The following SHC4 variants were observed in gnomAD, a reference collection of about 807,000 sequenced individuals.
SHC4 encodes SHC adaptor protein 4, also known as SHC-transforming protein 4.
A neutral mutation model predicts 69.4 loss-of-function variants in SHC4; 41 were observed. The observed-to-expected ratio is 0.59, with a 90% CI of 0.46 to 0.77. SHC4 has a LOEUF of 0.77. SHC4 is among the 30% of genes least tolerant of loss of function. SHC4 has a pLI of 0.00. For synonymous variants in SHC4, 318 were observed against 299.3 expected, an observed-to-expected ratio of 1.06 and a Z score of -0.64; for missense variants, 777 against 783.8, an observed-to-expected ratio of 0.99 and a Z score of 0.10.
intron 2 of SHC4, among the ~76,000 whole-genome samples, chr15:48,902,093 T>A (rs1462013797): frequency 6.6e-6 from 1 of 151,868 alleles, no homozygotes; most frequent in South Asian, 2.1e-4. Flanking sequence ...TCCCAGCTAC[T>A]TGGGGAGGCT....
intron 1 of SHC4, among the ~76,000 whole-genome samples, chr15:48,935,326 T>C (rs567854439): frequency 1.8e-4 from 27 of 152,242 alleles, no homozygotes; most frequent in Non-Finnish European, 3.4e-4. Context: ...CACCCCTAGG[T>C]TGCAGTCACC....
chr15:48,922,498 G>A (rs1454066429), intron 2 of SHC4, among the ~76,000 whole-genome samples: 6 of 152,154 alleles, frequency 3.9e-5, no homozygotes, highest in Non-Finnish European at 7.3e-5. Flanking sequence ...GAAGGCTCAC[G>A]CTGCTCCTCA....
intron 9 of SHC4, among the ~76,000 whole-genome samples, chr15:48,848,800 T>C (rs1420671982): frequency 6.6e-6 from 1 of 152,196 alleles, no homozygotes; most frequent in Non-Finnish European, 1.5e-5. Context: ...CCTTCATAAA[T>C]TTATGTTTTT....
chr15:48,873,268 T>C (rs1899723854), intron 4 of SHC4, among the ~76,000 whole-genome samples: 1 of 152,246 alleles, frequency 6.6e-6, no homozygotes, highest in Non-Finnish European at 1.5e-5. Context: ...TGGTTATTTC[T>C]GGAGCACAGG....
chr15:48,906,349 T>A (rs1428394250), intron 2 of SHC4, among the ~76,000 whole-genome samples: 1 of 152,182 alleles, frequency 6.6e-6, no homozygotes, highest in East Asian at 1.9e-4. Context: ...TGATCTAATG[T>A]CTTCTTTTCC....
At chr15:48,876,361 T>C (rs1294660376) in intron 4 of SHC4, among the ~76,000 whole-genome samples, 2 of 152,182 alleles carry the variant, frequency 1.3e-5, no homozygotes, top group Non-Finnish European at 2.9e-5. Context: ...TGATCACCTA[T>C]CTCAGCTTTC....
chr15:48,896,719 A>C (rs1313855551), intron 2 of SHC4, among the ~76,000 whole-genome samples: 1 of 152,234 alleles, frequency 6.6e-6, no homozygotes, highest in Non-Finnish European at 1.5e-5. Context: ...TCCCAGGTTA[A>C]GAAATACTGC....
intron 1 of SHC4, among the ~76,000 whole-genome samples, chr15:48,950,130 T>C (rs936471405): frequency 9.0e-5 from 13 of 144,328 alleles, no homozygotes; most frequent in Admixed American, 6.3e-4. Flanking sequence ...ATAATATGTG[T>C]TTATTTTATA....
intron 2 of SHC4, among the ~76,000 whole-genome samples, chr15:48,919,638 C>G (rs1900705481): frequency 6.6e-6 from 1 of 151,858 alleles, no homozygotes; most frequent in Non-Finnish European, 1.5e-5. Context: ...CACCATGGAC[C>G]CATGATGTCC....
intron 2 of SHC4, among the ~76,000 whole-genome samples, chr15:48,914,045 G>A (rs1024114208): frequency 6.6e-6 from 1 of 152,218 alleles, no homozygotes; most frequent in Non-Finnish European, 1.5e-5. Context: ...AGTTTTGGTA[G>A]AGACAGGGTT....
In SHC4 at chr15:48,860,710, G is replaced by C. The variant is rs17467617; in HGVS notation, c.947-2895C>G. Among the ~76,000 whole-genome samples, 1,136 of 152,256 alleles carry C rather than the reference G, an allele frequency of 7.5e-3. 11 individuals are homozygous for C. The highest frequency in any genetic ancestry group is 0.012 in the Non-Finnish European group (825 of 68,018). ...AGAAAAGCTAAATTGTACTTCCAGT[G>C]AGGGCGATGAGAGAATAGGATGTTT... On this transcript the variant is annotated intron_variant, in intron 6 of 11. Transcript: ENST00000332408.
intron 9 of SHC4, among the ~76,000 whole-genome samples, chr15:48,844,629 G>A (rs1899053574): frequency 6.6e-6 from 1 of 152,158 alleles, no homozygotes; most frequent in Non-Finnish European, 1.5e-5. Flanking sequence ...CCTCTGATAT[G>A]GTTTGGCTGT....
chr15:48,928,168 G>GAAC (rs35240041), intron 1 of SHC4, among the ~76,000 whole-genome samples: 89,607 of 151,600 alleles, frequency 0.59, 26,874 homozygotes, highest in East Asian at 0.74. Flanking sequence ...CTACAGGCCA[G>GAAC]AACAACGTCT....
At chr15:48,940,175 G>A (rs559177361) in intron 1 of SHC4, among the ~76,000 whole-genome samples, 1 of 152,368 alleles carries the variant, frequency 6.6e-6, no homozygotes, top group Non-Finnish European at 1.5e-5. Flanking sequence ...GCCCTTGCAG[G>A]ATGGTTTAGT....
At chr15:48,907,616 G>A (rs1009096080) in intron 2 of SHC4, among the ~76,000 whole-genome samples, 4 of 151,302 alleles carry the variant, frequency 2.6e-5, no homozygotes, top group African/African-American at 4.9e-5. Context: ...ATGCCTTTGT[G>A]TCCTCATAAC....
In SHC4 at chr15:48,843,394, T is replaced by C; in HGVS notation, c.1483+15A>G. 6.3e-7 allele frequency: 1 copy of C among 1,594,568 alleles called. No homozygotes were observed. The highest frequency in any genetic ancestry group is 8.6e-7 in the Non-Finnish European group (1 of 1,167,594). On this transcript the variant is annotated intron_variant, in intron 10 of 11. Transcript: ENST00000332408. ...AGCCCTAAGAAATGAATACAGACAG[T>C]GAGTAGCTACTTACTTCCGCAGTGC...
intron 6 of SHC4, among the ~76,000 whole-genome samples, chr15:48,863,574 T>C (rs1234742076): frequency 6.6e-6 from 1 of 152,252 alleles, no homozygotes; most frequent in Admixed American, 6.5e-5. Flanking sequence ...ATAAAACTAC[T>C]GGTTCAAAGG....
At chr15:48,919,297 T>TTA (rs1342545229) in intron 2 of SHC4, among the ~76,000 whole-genome samples, 1 of 89,008 alleles carries the variant, frequency 1.1e-5, no homozygotes, top group Non-Finnish European at 2.2e-5. Context: ...TTATTTTAAT[T>TTA]TTTTTTTTTT....
chr15:48,937,761 T>A (rs1901101008), intron 1 of SHC4, among the ~76,000 whole-genome samples: 1 of 152,188 alleles, frequency 6.6e-6, no homozygotes. Context: ...GACAAAAGAT[T>A]GCTGCATCCA....
Sources: allele counts gnomAD v4.1 joint callset (sites outside exome capture counted in the v4.1 genomes callset), GRCh38; gene constraint gnomAD v4.1.1; transcripts MANE v1.5; gene names NCBI Gene and HGNC (gene_info 2026-07-23, HGNC 2026-07-21).